MOV10L1: variants seen among roughly 807,000 people sequenced by gnomAD.
MOV10L1 encodes RNA helicase Mov10l1.
MOV10L1 carries 110 observed loss-of-function variants against 143.8 expected under a neutral mutation model. That is an observed-to-expected ratio of 0.76 (90% CI 0.66 to 0.90). The LOEUF is 0.90. Ranked by LOEUF, MOV10L1 falls within the 40% of genes least tolerant of loss-of-function variation. The pLI, the probability that MOV10L1 is intolerant of heterozygous loss-of-function variation, is 0.00. For synonymous variants in MOV10L1, 593 were observed against 581.1 expected (o/e 1.02, Z -0.29); for missense variants, 1,406 against 1,526.8 (o/e 0.92, Z 1.32).
At chr22:50,128,609 A>G (rs138245) in intron 13 of MOV10L1, 102 bp downstream of exon 13, 163,225 of 646,084 alleles carry the variant, frequency 0.25, 24,742 homozygotes, top group Non-Finnish European at 0.3. Context: ...CAGTGGCGCA[A>G]TCTCGGCTCA....
intron 18 of MOV10L1, among the ~76,000 whole-genome samples, chr22:50,144,683 A>G (rs1238084822): frequency 7.3e-5 from 11 of 149,852 alleles, no homozygotes; most frequent in Admixed American, 3.3e-4. Flanking sequence ...CCAGGTTCAC[A>G]CCATTCTCTG....
chr22:50,133,792 C>G (rs542814293), intron 13 of MOV10L1, among the ~76,000 whole-genome samples: 1 of 152,116 alleles, frequency 6.6e-6, no homozygotes, highest in Non-Finnish European at 1.5e-5. Flanking sequence ...GATCCACCCA[C>G]CTCGGCCTCC....
chr22:50,090,069 G>GTGACGGCGT lies in MOV10L1; in HGVS notation c.-20_-19insTGACGGCGT. 1 of 1,260,324 alleles carries GTGACGGCGT rather than the reference G, an allele frequency of 7.9e-7. No homozygotes were observed. The allele number at this position is 1,260,324 out of a possible 1,614,324, so 78.1% of individuals were successfully genotyped here. ...GGCGGCGGCAGCGGCGGTGACGGCA[G>GTGACGGCGT]CCTAGGCCGGGCGAGGGCCATGCTG... On this transcript the variant is annotated 5_prime_UTR_variant, in exon 1 of 27. Transcript: ENST00000262794.
intron 5 of MOV10L1, among the ~76,000 whole-genome samples, chr22:50,111,939 A>G (rs958449799): frequency 6.6e-6 from 1 of 152,056 alleles, no homozygotes; most frequent in African/African-American, 2.4e-5. Context: ...TTCCAGCCCC[A>G]TATCTGGTGC....
intron 19 of MOV10L1, among the ~76,000 whole-genome samples, chr22:50,147,567 G>A (rs562279187): frequency 4.3e-4 from 64 of 150,332 alleles, no homozygotes; most frequent in Middle Eastern, 6.8e-3. Context: ...GCTGCAGGCC[G>A]CTCTCTCAGA....
At chr22:50,091,945 C>G in intron 1 of MOV10L1, 56 bp from the exon 2 acceptor site, 9 of 1,543,520 alleles carry the variant, frequency 5.8e-6, no homozygotes, top group Non-Finnish European at 7.9e-6. Flanking sequence ...GTGGGGTTCA[C>G]TGTAGCGTAC....
At chr22:50,090,808 C>G in intron 1 of MOV10L1, 1 of 358,216 alleles carries the variant, frequency 2.8e-6, no homozygotes, top group Non-Finnish European at 5.3e-6. Flanking sequence ...TCCCGAGCAG[C>G]GGGGATTATA....
At chr22:50,141,113 C>T (rs898194322) in intron 15 of MOV10L1, among the ~76,000 whole-genome samples, 5 of 151,792 alleles carry the variant, frequency 3.3e-5, no homozygotes, top group East Asian at 3.9e-4. Flanking sequence ...TGCAGTGGCA[C>T]GATCTTGGCT....
chr22:50,090,353 C>G (rs1180030175), intron 1 of MOV10L1, 168 bp downstream of exon 1: 1 of 1,514,672 alleles, frequency 6.6e-7, no homozygotes, highest in Admixed American at 2.1e-5. Flanking sequence ...AGGAGGCTTC[C>G]GACCCCACAG....
intron 3 of MOV10L1, 152 bp downstream of exon 3, chr22:50,099,754 A>G (rs1243125223): frequency 1.1e-6 from 1 of 870,576 alleles, no homozygotes; most frequent in African/African-American, 1.7e-5. Flanking sequence ...TGGAGGCTGC[A>G]GTGAGCTATG....
intron 20 of MOV10L1, among the ~76,000 whole-genome samples, chr22:50,150,338 G>A (rs745819078): frequency 5.9e-5 from 9 of 152,220 alleles, no homozygotes; most frequent in South Asian, 4.1e-4. Flanking sequence ...GCAGAGCAGC[G>A]GCATAGGGCG....
At chr22:50,108,587 C>T (rs139407169) in intron 4 of MOV10L1, 70 bp from the exon 5 acceptor site, 29 of 1,541,580 alleles carry the variant, frequency 1.9e-5, no homozygotes, top group Middle Eastern at 1.9e-4. Context: ...CTGACTTGGG[C>T]GTGTGTTAGA....
At chr22:50,091,184 T>C (rs907658250) in intron 1 of MOV10L1, 1 of 167,820 alleles carries the variant, frequency 6.0e-6, no homozygotes, top group African/African-American at 2.4e-5. Context: ...ACTTGCTCCG[T>C]GGATCTCTTC....
intron 8 of MOV10L1, 28 bp downstream of exon 8, chr22:50,115,274 C>G (rs190058977): frequency 1.4e-6 from 2 of 1,463,126 alleles, no homozygotes; most frequent in South Asian, 1.5e-5. Context: ...TGGGGAGAGC[C>G]GCGTTTTTAA....
intron 13 of MOV10L1, among the ~76,000 whole-genome samples, chr22:50,131,228 CT>C (rs750480277): frequency 6.6e-6 from 1 of 152,102 alleles, no homozygotes; most frequent in Non-Finnish European, 1.5e-5. Context: ...TTTTTATGTG[CT>C]TTTTTGCCAT....
intron 2 of MOV10L1, chr22:50,096,263 C>T (rs2062586924): frequency 6.6e-6 from 1 of 152,240 alleles, no homozygotes; most frequent in Admixed American, 6.5e-5. Flanking sequence ...TAAGCGGAAT[C>T]ATGTGTCTGG....
Position 50,134,566 on chromosome 22 carries a change from A to C in MOV10L1, c.2006A>C (p.Gln669Pro). The C allele has an allele frequency of 6.2e-7, 1 of 1,614,208 alleles. No individual in the cohort carries two copies. Among genetic ancestry groups the C allele is most frequent in the Non-Finnish European group, 8.5e-7 (1 of 1,180,028 alleles). ...FPEEIILQSP[Q>P]VTGNWNHAQD... is the part of the protein sequence containing the mutation. Reference sequence around the variant, plus strand: ...GAAGAAATTATTTTACAGTCTCCACAAGTGACGGGAAATTGGAACCATGCA... The same window carrying C: ...GAAGAAATTATTTTACAGTCTCCACCAGTGACGGGAAATTGGAACCATGCA... The change falls in exon 15 of 27, where the codon CAA becomes CCA. Residue 669 changes from glutamine (Q) to proline (P), a missense_variant. Gln to Pro is a moderately conservative substitution (Grantham distance 76, BLOSUM62 -1). Transcript: ENST00000262794.
intron 10 of MOV10L1, among the ~76,000 whole-genome samples, chr22:50,120,836 C>G (rs2062319854): frequency 6.6e-6 from 1 of 152,254 alleles, no homozygotes; most frequent in Non-Finnish European, 1.5e-5. Flanking sequence ...ATCCCACAGC[C>G]TCACTGGGGG....
Position 50,145,808 on chromosome 22 carries a change from G to C in MOV10L1, c.2625G>C (p.Val875=), listed in dbSNP as rs764524693. The C allele has an allele frequency of 1.9e-6, 3 of 1,613,778 alleles. No homozygotes were observed. Among genetic ancestry groups the C allele is most frequent in the Non-Finnish European group, 2.5e-6 (3 of 1,179,974 alleles). ...CAGGGCTGTTTTACCAAATAGGAGT[G>C]AGGTGAGCCCCGGGCATGGAGCGCG... is the stretch of plus-strand genomic sequence containing the variant. ...SSSGLFYQIG[V]RVGHFTHVFV... is the part of the protein sequence containing the mutation. The change falls in exon 19 of 27, where the codon GTG becomes GTC. Residue 875 remains valine (V), a splice_region_variant and synonymous_variant. Transcript: ENST00000262794.
Sources: allele counts gnomAD v4.1 joint callset (sites outside exome capture counted in the v4.1 genomes callset), GRCh38; gene constraint gnomAD v4.1.1; transcripts MANE v1.5; gene names NCBI Gene and HGNC (gene_info 2026-07-23, HGNC 2026-07-21).